Variants in PACC1 observed in about 807,000 individuals in gnomAD.
PACC1 encodes proton-activated chloride channel.
Under a neutral mutation model 39.7 loss-of-function variants are expected in PACC1, and 34 were observed. The observed-to-expected ratio is 0.86, with a 90% CI of 0.65 to 1.14. The LOEUF is 1.14. Ranked by LOEUF, PACC1 falls within the 50% of genes most tolerant of loss-of-function variation. The probability of loss-of-function intolerance (pLI) is 0.00; values close to 1 mark genes in which losing one functional copy is unlikely to be tolerated. For missense variants in PACC1, 379 were observed against 436.4 expected (o/e 0.87, Z 1.17); for synonymous variants, 127 against 160.6 (o/e 0.79, Z 1.58).
intron 7 of PACC1, among the ~76,000 whole-genome samples, chr1:212,370,987 C>A (rs1371452903): frequency 6.6e-6 from 1 of 152,098 alleles, no homozygotes; most frequent in Admixed American, 6.5e-5. Context: ...GTGGCTCACA[C>A]CTGTAATCCC....
chr1:212,402,195 GGCC>G (rs1352620318), intron 2 of PACC1, among the ~76,000 whole-genome samples: 1 of 152,166 alleles, frequency 6.6e-6, no homozygotes, highest in Non-Finnish European at 1.5e-5. Context: ...TGGAATTGCT[GGCC>G]CATATGGTAA....
At chr1:212,380,567 A>C (rs570902451) in intron 4 of PACC1, among the ~76,000 whole-genome samples, 1 of 152,248 alleles carries the variant, frequency 6.6e-6, no homozygotes, top group Non-Finnish European at 1.5e-5. Context: ...TAAGCTCTGT[A>C]TATAGTGTGA....
intron 2 of PACC1, among the ~76,000 whole-genome samples, chr1:212,393,731 A>G (rs1249537085): frequency 2.0e-5 from 3 of 152,248 alleles, no homozygotes; most frequent in East Asian, 1.9e-4. Flanking sequence ...TCAAATAGAC[A>G]CAATAAAAAA....
chr1:212,410,539 G>C lies in PACC1; in HGVS notation c.37-18C>G, dbSNP rs1558184765. On this transcript the variant is annotated intron_variant, in intron 1 of 7. Coordinates refer to ENST00000261455, the MANE Select transcript of PACC1 (RefSeq NM_018252.3). The stretch of plus-strand genomic sequence containing the variant: ...TCACTCAGCTAAAGGGAGAAGCAAA[G>C]AGAGCAAAGACAAGTCAGCTATGTC... The C allele has an allele frequency of 6.2e-7, 1 of 1,611,214 alleles. No individual in the cohort carries two copies. Among genetic ancestry groups the C allele is most frequent in the Admixed American group, 1.7e-5 (1 of 60,020 alleles).
At chr1:212,411,199 T>C (rs978743766) in intron 1 of PACC1, among the ~76,000 whole-genome samples, 3 of 152,296 alleles carry the variant, frequency 2.0e-5, no homozygotes, top group Admixed American at 2.0e-4. Flanking sequence ...GGGAAAGATA[T>C]GGCAGGAGTA....
chr1:212,368,179 G>C (rs1660311777), intron 7 of PACC1, among the ~76,000 whole-genome samples: 1 of 152,154 alleles, frequency 6.6e-6, no homozygotes, highest in African/African-American at 2.4e-5. Context: ...CTGCCCTCTA[G>C]TGCTGAAACA....
At position 212,377,664 on chromosome 1, in the gene PACC1, A is replaced by G; in HGVS notation, c.681T>C (p.Tyr227=). 1 of 1,614,194 alleles carries G rather than the reference A, an allele frequency of 6.2e-7. No individual in the cohort carries two copies. The highest frequency in any genetic ancestry group is 2.2e-5 in the East Asian group (1 of 44,888). Residue 227 remains tyrosine (Y), a synonymous_variant, in exon 6 of 8, where the codon TAT becomes TAC. Coordinates refer to ENST00000261455, the MANE Select transcript of PACC1 (RefSeq NM_018252.3). ...VGFMQACESA[Y]SSWKFSGGFR... ...AGCCCCCAGAGAACTTCCAGCTGGA[A>G]TAGGCACTCTCACAGGCCTGCATGA...
chr1:212,393,150 A>G (rs1259408629), intron 2 of PACC1, among the ~76,000 whole-genome samples: 1 of 152,206 alleles, frequency 6.6e-6, no homozygotes, highest in Non-Finnish European at 1.5e-5. Flanking sequence ...TCAGCACCAC[A>G]CCACACCTAT....
intron 1 of PACC1, among the ~76,000 whole-genome samples, chr1:212,412,693 C>G (rs1662180492): frequency 6.6e-6 from 1 of 152,190 alleles, no homozygotes; most frequent in Non-Finnish European, 1.5e-5. Context: ...GGGTAAGTGC[C>G]TATATTTTAA....
chr1:212,367,999 A>G (rs796979779), intron 7 of PACC1, among the ~76,000 whole-genome samples: 29 of 151,672 alleles, frequency 1.9e-4, no homozygotes, highest in African/African-American at 6.3e-4. Flanking sequence ...TACCTGCCTT[A>G]CCCCTCCCCA....
chr1:212,378,616 T>C (rs1205192128), intron 5 of PACC1, among the ~76,000 whole-genome samples: 1 of 152,190 alleles, frequency 6.6e-6, no homozygotes, highest in African/African-American at 2.4e-5. Flanking sequence ...TCTCCTGCCC[T>C]CTAGGCTCCA....
At position 212,365,262 on chromosome 1, in the gene PACC1, T is replaced by C; in HGVS notation, c.1006A>G (p.Lys336Glu). The change falls in exon 8 of 8, where the codon AAG (lysine) becomes GAG (glutamate). Residue 336 changes from lysine to glutamate, a missense_variant. Physicochemically the swap from Lys to Glu is moderately conservative, Grantham distance 56. Transcript: ENST00000261455. ...TGACCTCTTCTTTTAAGGTATCTCTTTCTAATTTTGATCATCCATTTTATA... is the reference window on the plus strand; with the variant it reads ...TGACCTCTTCTTTTAAGGTATCTCTCTCTAATTTTGATCATCCATTTTATA... ...LSIKWMIKIR[K>E]RYLKRRGQAT... The C allele has an allele frequency of 6.2e-7, 1 of 1,613,910 alleles. No individual in the cohort carries two copies. The highest frequency in any genetic ancestry group is 8.5e-7 in the Non-Finnish European group (1 of 1,179,948).
intron 4 of PACC1, among the ~76,000 whole-genome samples, chr1:212,382,141 C>G (rs2884465): frequency 6.6e-6 from 1 of 151,764 alleles, no homozygotes; most frequent in Non-Finnish European, 1.5e-5. Flanking sequence ...CGGGTTCAGG[C>G]GATTCTCCTG....
chr1:212,396,807 TCTA>T (rs1661541510), intron 2 of PACC1, among the ~76,000 whole-genome samples: 1 of 70,004 alleles, frequency 1.4e-5, no homozygotes, highest in South Asian at 3.5e-4. Flanking sequence ...TATCTATCTA[TCTA>T]TCTATCTATC....
intron 2 of PACC1, among the ~76,000 whole-genome samples, chr1:212,389,493 T>C (rs984656425): frequency 2.0e-5 from 3 of 152,178 alleles, no homozygotes; most frequent in Admixed American, 6.5e-5. Context: ...AGAATCTCTA[T>C]ATCATTCATA....
intron 1 of PACC1, among the ~76,000 whole-genome samples, chr1:212,411,757 ATTC>A (rs1403478131): frequency 1.3e-5 from 2 of 152,138 alleles, no homozygotes; most frequent in African/African-American, 4.8e-5. Flanking sequence ...TTACGAATCT[ATTC>A]TTCTATCTCC....
chr1:212,369,764 G>T (rs1035513147), intron 7 of PACC1, among the ~76,000 whole-genome samples: 1 of 141,976 alleles, frequency 7.0e-6, no homozygotes, highest in African/African-American at 2.6e-5. Context: ...CTGGGCAAGA[G>T]AGCAAGACTC....
chr1:212,396,340 A>G (rs934679453), intron 2 of PACC1, among the ~76,000 whole-genome samples: 2 of 152,150 alleles, frequency 1.3e-5, no homozygotes, highest in African/African-American at 4.8e-5. Context: ...CACAAGGACA[A>G]AAAACCAAAC....
chr1:212,392,908 C>A lies in PACC1; in HGVS notation c.134-5808G>T, dbSNP rs551433967. Among the ~76,000 whole-genome samples, 579 of 151,574 alleles carry A rather than the reference C, an allele frequency of 3.8e-3. 4 individuals carry two copies. The highest frequency in any genetic ancestry group is 0.013 in the African/African-American group (549 of 41,276). On this transcript the variant is annotated intron_variant, in intron 2 of 7. Coordinates refer to ENST00000261455, the MANE Select transcript of PACC1 (RefSeq NM_018252.3). ...TAACTATCCTAAATATATATGCACC[C>A]AATACAGGAGCACCCAGATTCATAA...
Sources: allele counts gnomAD v4.1 joint callset (sites outside exome capture counted in the v4.1 genomes callset), GRCh38; gene constraint gnomAD v4.1.1; transcripts MANE v1.5; gene names NCBI Gene and HGNC (gene_info 2026-07-23, HGNC 2026-07-21).